Variants in PCSK9 observed in about 807,000 individuals in gnomAD.
The protein encoded by PCSK9 is convertase subtilisin/kexin type 9 preproprotein.
In PCSK9, 57 loss-of-function variants were observed where a neutral mutation model predicts 62.1. The ratio of observed to expected loss-of-function variants is 0.92; its 90% CI spans 0.74 to 1.14. The LOEUF (loss-of-function observed/expected upper bound fraction) is 1.14. Among genes scored for constraint, PCSK9 ranks in the 50% most tolerant of loss-of-function variants. The pLI, the probability that PCSK9 is intolerant of heterozygous loss-of-function variation, is 0.00. For missense variants in PCSK9, 870 were observed against 959.8 expected (o/e 0.91, Z 1.24); for synonymous variants, 387 against 409.4 (o/e 0.95, Z 0.66).
At position 55,040,341 on chromosome 1, in the gene PCSK9, C is replaced by T. The variant is rs1644590137; in HGVS notation, c.207+297C>T. 1.3e-5 allele frequency among the ~76,000 whole-genome samples: 2 copies of T among 152,130 alleles called. No homozygotes were observed. The highest frequency in any genetic ancestry group is 2.9e-5 in the Non-Finnish European group (2 of 68,024). ...GGGAGACCCGGAGGCCGAGGAAGGG[C>T]GAGCAGAGCACTGCCAGGATATCCT... is the stretch of plus-strand genomic sequence containing the variant. On this transcript the variant is annotated intron_variant, in intron 1 of 11. Transcript: ENST00000302118. The surrounding 1 kb of genome is among the most constrained non-coding windows in gnomAD (Gnocchi z 4.1).
At chr1:55,061,712 A>G (rs891205142) in intron 11 of PCSK9, among the ~76,000 whole-genome samples, 156 bp downstream of exon 11, 2 of 152,136 alleles carry the variant, frequency 1.3e-5, no homozygotes, top group African/African-American at 4.8e-5. Context: ...TGTGGACAGC[A>G]TGTATATGTG....
chr1:55,052,752 A>T lies in PCSK9; in HGVS notation c.760A>T (p.Asn254Tyr), dbSNP rs1644685146. The T allele has an allele frequency of 1.2e-6, 2 of 1,613,200 alleles. No homozygotes were observed. Among genetic ancestry groups the T allele is most frequent in the Non-Finnish European group, 1.7e-6 (2 of 1,179,998 alleles). Residue 254 changes from asparagine (N) to tyrosine (Y), a missense_variant, in exon 5 of 12, where the codon AAC becomes TAC. Transcript: ENST00000302118. ...GASMRSLRVLNCQGKGTVSGT... is the reference protein window; with the variant it reads ...GASMRSLRVLYCQGKGTVSGT... ...CAGCATGCGCAGCCTGCGCGTGCTC[A>T]ACTGCCAAGGGAAGGGCACGGTTAG...
chr1:55,041,656 A>G (rs1051741012), intron 1 of PCSK9, among the ~76,000 whole-genome samples: 3 of 152,222 alleles, frequency 2.0e-5, no homozygotes, highest in Admixed American at 6.5e-5. Context: ...TAATTTTTAG[A>G]CCAATCCTTT....
intron 3 of PCSK9, 64 bp from the exon 4 acceptor site, chr1:55,052,214 G>C: frequency 1.2e-6 from 2 of 1,607,754 alleles, no homozygotes; most frequent in Non-Finnish European, 1.7e-6. Context: ...TAGTTTCTGT[G>C]TGTTAACTAT....
rs1466703039 is a variant in PCSK9 at position 55,061,888 on chromosome 1, G to C, written c.1863+332G>C. ...TTTTTTTCTGAGATGGGGTCTTGCTGTGTTGCCCAGGCTGGTCTCAAATTC... is the reference window on the plus strand; with the variant it reads ...TTTTTTTCTGAGATGGGGTCTTGCTCTGTTGCCCAGGCTGGTCTCAAATTC... On this transcript the variant is annotated intron_variant, in intron 11 of 11. Coordinates refer to ENST00000302118, the MANE Select transcript of PCSK9 (RefSeq NM_174936.4). Among the ~76,000 whole-genome samples, 4 of 152,206 alleles carry C rather than the reference G, an allele frequency of 2.6e-5. No homozygotes were observed. In the South Asian group the frequency reaches 6.2e-4, roughly 24 times the overall value.
chr1:55,048,874 G>A (rs1644653849), intron 3 of PCSK9, among the ~76,000 whole-genome samples: 1 of 152,232 alleles, frequency 6.6e-6, no homozygotes, highest in Non-Finnish European at 1.5e-5. Context: ...ATTGAGTGAG[G>A]TGCTGTGATT....
In PCSK9 at chr1:55,061,336, C is replaced by G. The variant is rs769810248; in HGVS notation, c.1682-39C>G. On this transcript the variant is annotated intron_variant, in intron 10 of 11. Coordinates refer to ENST00000302118, the MANE Select transcript of PCSK9 (RefSeq NM_174936.4). ...GGATGGGCACTGGAGACGGAGCATC[C>G]CAGCATTTCACATCTGAGCTGGCTT... 4 of 1,578,364 alleles carry G rather than the reference C, an allele frequency of 2.5e-6. No individual in the cohort carries two copies. In the East Asian group the frequency reaches 9.1e-5, roughly 36 times the overall value.
rs137852912 is a variant in PCSK9, at chr1:55,057,454, G to T, written c.1120G>T (p.Asp374Tyr). The change falls in exon 7 of 12, where the codon GAC (aspartate) becomes TAC (tyrosine). Residue 374 changes from aspartate to tyrosine, a missense_variant. Coordinates refer to ENST00000302118, the MANE Select transcript of PCSK9 (RefSeq NM_174936.4). Reference sequence around the variant, plus strand: ...GGAGGACATCATTGGTGCCTCCAGCGACTGCAGCACCTGCTTTGTGTCACA... The same window carrying T: ...GGAGGACATCATTGGTGCCTCCAGCTACTGCAGCACCTGCTTTGTGTCACA... The part of the protein sequence containing the change: ...PGEDIIGASS[D>Y]CSTCFVSQSG... 4 of 1,614,024 alleles carry T rather than the reference G, an allele frequency of 2.5e-6. No individual in the cohort carries two copies. The highest frequency in any genetic ancestry group is 2.5e-6 in the Non-Finnish European group (3 of 1,180,022).
chr1:55,048,944 C>T (rs571706996), intron 3 of PCSK9, among the ~76,000 whole-genome samples: 7 of 152,340 alleles, frequency 4.6e-5, no homozygotes, highest in African/African-American at 1.4e-4. Context: ...ACCCACTGTG[C>T]GCCAGGCACC....
At chr1:55,060,115 G>A (rs575160133) in intron 10 of PCSK9, among the ~76,000 whole-genome samples, 10 of 152,262 alleles carry the variant, frequency 6.6e-5, no homozygotes, top group Non-Finnish European at 1.0e-4. Context: ...TGAGTGCTAA[G>A]CACTTAGCTT....
chr1:55,043,912 C>A lies in PCSK9; in HGVS notation c.277C>A (p.Arg93Ser). The A allele has an allele frequency of 5.0e-6, 8 of 1,614,196 alleles. No individual in the cohort carries two copies. Among genetic ancestry groups the A allele is most frequent in the Non-Finnish European group, 5.9e-6 (7 of 1,180,036 alleles). ...KEETHLSQSE[R>S]TARRLQAQAA... ...GGAGACCCACCTCTCGCAGTCAGAG[C>A]GCACTGCCCGCCGCCTGCAGGCCCA... Residue 93 changes from arginine to serine, a missense_variant, in exon 2 of 12, where the codon CGC (arginine) becomes AGC (serine). Arg to Ser is a moderately radical substitution (Grantham distance 110). Transcript: ENST00000302118.
At chr1:55,063,348 C>G (rs1452291628) in intron 11 of PCSK9, 21 bp from the exon 12 acceptor site, 1 of 1,611,372 alleles carries the variant, frequency 6.2e-7, no homozygotes, top group Non-Finnish European at 8.5e-7. Flanking sequence ...CATGTGCTTT[C>G]TTTTCCTCGG....
chr1:55,058,635 C>G lies in PCSK9; in HGVS notation c.1491C>G (p.Gly497=), dbSNP rs147599496. 6.2e-7 allele frequency: 1 copy of G among 1,608,116 alleles called. No individual in the cohort carries two copies. The change falls in exon 9 of 12, where the codon GGC becomes GGG. Residue 497 remains glycine, a synonymous_variant. Transcript: ENST00000302118. ...TCTCCAGGAGTGGGAAGCGGCGGGG[C>G]GAGCGCATGGAGGTGACTGTACCCC... The part of the protein sequence containing the change: ...SSFSRSGKRR[G]ERMEAQGGKL...
chr1:55,055,561 C>T (rs1644708036), intron 5 of PCSK9, among the ~76,000 whole-genome samples: 1 of 152,102 alleles, frequency 6.6e-6, no homozygotes, highest in African/African-American at 2.4e-5. Flanking sequence ...GAAGCAGAAC[C>T]AGTAGGATGT....
chr1:55,062,307 C>T (rs1644765841), intron 11 of PCSK9, among the ~76,000 whole-genome samples: 1 of 152,188 alleles, frequency 6.6e-6, no homozygotes, highest in Non-Finnish European at 1.5e-5. Flanking sequence ...AAATGCAAGT[C>T]TGTGTTGATT....
Position 55,046,570 on chromosome 1 carries a change from C to T in PCSK9, c.447C>T (p.Val149=), listed in dbSNP as rs758997842. Residue 149 remains valine, a synonymous_variant, in exon 3 of 12, where the codon GTC becomes GTT. Transcript: ENST00000302118. ...HVDYIEEDSS[V]FAQSIPWNLE... ...ACTACATCGAGGAGGACTCCTCTGTCTTTGCCCAGAGCATCCCGTGGAACC... is the reference window on the plus strand; with the variant it reads ...ACTACATCGAGGAGGACTCCTCTGTTTTTGCCCAGAGCATCCCGTGGAACC... 6 of 1,614,076 alleles carry T rather than the reference C, an allele frequency of 3.7e-6. No individual in the cohort carries two copies. The highest frequency in any genetic ancestry group is 1.1e-5 in the South Asian group (1 of 91,084).
Position 55,064,059 on chromosome 1 carries a change from C to T in PCSK9, c.*475C>T, listed in dbSNP as rs1644783256. On this transcript the variant is annotated 3_prime_UTR_variant, in exon 12 of 12. Coordinates refer to ENST00000302118, the MANE Select transcript of PCSK9 (RefSeq NM_174936.4). ...GAGTGTGAAAGGTGCTGATGGCCCT[C>T]ATCTCCAGCTAACTGTGGAGAAGCC... 1 of 159,140 alleles carries T rather than the reference C, an allele frequency of 6.3e-6. No homozygotes were observed. Among genetic ancestry groups the T allele is most frequent in the Non-Finnish European group, 1.4e-5 (1 of 72,596 alleles). The allele number at this position is 159,140 out of a possible 1,614,324, so 9.9% of individuals were successfully genotyped here. A position where few individuals can be genotyped will look rare whatever the true frequency, so the allele number is the denominator to read the frequency against.
At chr1:55,059,182 T>C (rs1644740693) in intron 9 of PCSK9, among the ~76,000 whole-genome samples, 1 of 152,096 alleles carries the variant, frequency 6.6e-6, no homozygotes, top group South Asian at 2.1e-4. Context: ...GTCTTAATGC[T>C]CGTGTGAGAG....
At chr1:55,060,626 C>T (rs952384525) in intron 10 of PCSK9, among the ~76,000 whole-genome samples, 3 of 152,086 alleles carry the variant, frequency 2.0e-5, no homozygotes, top group African/African-American at 4.8e-5. Flanking sequence ...AGTGCTCAGC[C>T]GATGAGCTCA....
Sources: allele counts gnomAD v4.1 joint callset (sites outside exome capture counted in the v4.1 genomes callset), GRCh38; gene constraint gnomAD v4.1.1; non-coding constraint Gnocchi (gnomAD v3.1); transcripts MANE v1.5; gene names NCBI Gene and HGNC (gene_info 2026-07-23, HGNC 2026-07-21).